The following ROBO2 variants were observed in gnomAD, a reference collection of about 807,000 sequenced individuals.
The protein encoded by ROBO2 is roundabout guidance receptor 2, also known as roundabout homolog 2.
In ROBO2, 53 loss-of-function variants were observed where a neutral mutation model predicts 160.8. The observed-to-expected ratio is 0.33, with a 90% CI of 0.26 to 0.41. ROBO2 has a LOEUF of 0.41. Ranked by LOEUF, ROBO2 falls within the 10% of genes least tolerant of loss-of-function variation. The pLI is 1.00. For synonymous variants in ROBO2, 664 were observed against 611.7 expected (o/e 1.09, Z -1.26); for missense variants, 1,577 against 1,722.4 (o/e 0.92, Z 1.49).
intron 2 of ROBO2, among the ~76,000 whole-genome samples, chr3:76,659,640 G>A (rs1575778827): frequency 2.0e-5 from 3 of 152,086 alleles, no homozygotes; most frequent in South Asian, 4.1e-4. Context: ...GGAAGCCTAC[G>A]ACTTAGATGT....
At position 76,065,730 on chromosome 3, in the gene ROBO2, A is replaced by ATAT. The variant is rs753797432; in HGVS notation, c.109+128128_109+128129insTAT. On this transcript the variant is annotated intron_variant, in intron 2 of 26. Transcript: ENST00000487694. Reference sequence around the variant, plus strand: ...TTTTAAACTAAATATATGCATATTTAAACTAAATATATATATATATATACA... The same window carrying ATAT: ...TTTTAAACTAAATATATGCATATTTATATAACTAAATATATATATATATATACA... 3.3e-3 allele frequency among the ~76,000 whole-genome samples: 451 copies of ATAT among 136,966 alleles called. 4 individuals carry two copies. The highest frequency in any genetic ancestry group is 0.012 in the African/African-American group (412 of 33,576). The allele number at this position is 136,966 out of a possible 152,430, so 89.9% of individuals were successfully genotyped here. A position where few individuals can be genotyped will look rare whatever the true frequency, so the allele number is the denominator to read the frequency against.
chr3:76,798,247 A>AAGAAG (rs1246730951), intron 2 of ROBO2, among the ~76,000 whole-genome samples: 1 of 122,064 alleles, frequency 8.2e-6, no homozygotes, highest in East Asian at 2.4e-4. Flanking sequence ...GAAAAAAAGA[A>AAGAAG]GAAAGAAAGA....
intron 2 of ROBO2, among the ~76,000 whole-genome samples, chr3:76,932,282 A>G (rs189445788): frequency 7.2e-5 from 11 of 152,206 alleles, no homozygotes; most frequent in African/African-American, 2.7e-4. Context: ...ATGTTCAATA[A>G]TGATCTCAGC....
intron 2 of ROBO2, among the ~76,000 whole-genome samples, chr3:76,987,357 G>A (rs1053864253): frequency 6.6e-6 from 1 of 152,220 alleles, no homozygotes; most frequent in Non-Finnish European, 1.5e-5. Context: ...GTAGTGGGGG[G>A]GAGGGAATCA....
At chr3:76,286,510 A>G (rs1348994275) in intron 2 of ROBO2, among the ~76,000 whole-genome samples, 1 of 152,192 alleles carries the variant, frequency 6.6e-6, no homozygotes, top group Non-Finnish European at 1.5e-5. Context: ...ATTTTTCAGC[A>G]TCACTTTGTT....
At chr3:77,238,882 A>G (rs1201971938) in intron 2 of ROBO2, among the ~76,000 whole-genome samples, 1 of 152,158 alleles carries the variant, frequency 6.6e-6, no homozygotes, top group Non-Finnish European at 1.5e-5. Context: ...ACTTGCAGAT[A>G]GAGGAGGTGG....
intron 2 of ROBO2, among the ~76,000 whole-genome samples, chr3:76,325,971 G>A (rs1017083283): frequency 1.3e-5 from 2 of 152,130 alleles, no homozygotes; most frequent in African/African-American, 2.4e-5. Context: ...TTTCTCACTT[G>A]AGAAATGAAC....
At chr3:76,941,949 G>C (rs955478631) in intron 2 of ROBO2, among the ~76,000 whole-genome samples, 1 of 152,080 alleles carries the variant, frequency 6.6e-6, no homozygotes, top group Admixed American at 6.6e-5. Flanking sequence ...TAAACCACAA[G>C]TGATTAGTAA....
intron 2 of ROBO2, among the ~76,000 whole-genome samples, chr3:76,405,631 A>G (rs1576992773): frequency 6.6e-6 from 1 of 151,738 alleles, no homozygotes; most frequent in East Asian, 1.9e-4. Flanking sequence ...CAAAATTATC[A>G]TTAAGAACTA....
intron 2 of ROBO2, among the ~76,000 whole-genome samples, chr3:77,474,740 C>A (rs1381109780): frequency 2.0e-5 from 3 of 151,636 alleles, no homozygotes; most frequent in Non-Finnish European, 2.9e-5. Flanking sequence ...TTTACCAGAC[C>A]ATTTTAGTTC....
chr3:77,274,395 T>C (rs562381890), intron 2 of ROBO2, among the ~76,000 whole-genome samples: 19 of 152,220 alleles, frequency 1.2e-4, no homozygotes, highest in Non-Finnish European at 2.1e-4. Flanking sequence ...CTTGTACATA[T>C]CGTAAGAATG....
intron 2 of ROBO2, among the ~76,000 whole-genome samples, chr3:76,264,036 A>G (rs1401145171): frequency 3.9e-5 from 6 of 152,178 alleles, no homozygotes; most frequent in African/African-American, 9.7e-5. Context: ...ACATGGACAC[A>G]GGGAGAGGAA....
chr3:76,659,049 C>A (rs2091705078), intron 2 of ROBO2, among the ~76,000 whole-genome samples: 1 of 151,880 alleles, frequency 6.6e-6, no homozygotes, highest in Non-Finnish European at 1.5e-5. Context: ...GATTGAGGAG[C>A]CAGTTCAGAT....
intron 1 of ROBO2, among the ~76,000 whole-genome samples, chr3:75,919,660 T>C (rs1946949385): frequency 6.6e-6 from 1 of 152,200 alleles, no homozygotes; most frequent in Admixed American, 6.5e-5. Context: ...TGAATACATC[T>C]GGTCCTGGGC....
rs554034796 is a variant in ROBO2 at position 76,301,084 on chromosome 3, T to C, written c.109+363482T>C. ...AGAAAGTCTTGTGTTTAATGATGAA[T>C]AAATATTGTTGTATCAGATGTTAAG... On this transcript the variant is annotated intron_variant, in intron 2 of 26. Coordinates refer to the ROBO2 transcript ENST00000487694. 3.3e-5 allele frequency among the ~76,000 whole-genome samples: 5 copies of C among 152,184 alleles called. No homozygotes were observed. In the East Asian group the frequency reaches 9.7e-4, roughly 29 times the overall value.
chr3:75,936,585 T>C (rs1947790027), intron 1 of ROBO2, among the ~76,000 whole-genome samples: 1 of 152,136 alleles, frequency 6.6e-6, no homozygotes, highest in East Asian at 1.9e-4. Context: ...GTTTTAACTA[T>C]TGTACATGTT....
intron 2 of ROBO2, among the ~76,000 whole-genome samples, chr3:76,648,778 GAATA>G (rs1468743451): frequency 6.6e-6 from 1 of 151,910 alleles, no homozygotes; most frequent in Non-Finnish European, 1.5e-5. Context: ...AAAAATTAAA[GAATA>G]AATATCTTAT....
chr3:76,015,392 G>A (rs2107637673), intron 2 of ROBO2, among the ~76,000 whole-genome samples: 1 of 152,098 alleles, frequency 6.6e-6, no homozygotes, highest in Admixed American at 6.5e-5. Flanking sequence ...GCTGCAAATT[G>A]AAAAAAACAG....
intron 2 of ROBO2, among the ~76,000 whole-genome samples, chr3:76,798,071 C>A (rs992478336): frequency 2.1e-5 from 3 of 141,758 alleles, no homozygotes; most frequent in African/African-American, 7.9e-5. Context: ...TCAGTATTAC[C>A]CTGATACCAA....
Sources: gnomAD v4.1 joint callset for allele counts (sites outside exome capture counted in the v4.1 genomes callset) on GRCh38, gnomAD v4.1.1 for gene constraint, MANE v1.5 for transcripts, NCBI Gene and HGNC (gene_info 2026-07-23, HGNC 2026-07-21) for gene names.